NOPCHAP1: variants seen among roughly 807,000 people sequenced by gnomAD.
The protein encoded by NOPCHAP1 is DNA damage-sensitive RNA 1.
NOPCHAP1 carries 13 observed loss-of-function variants against 14.0 expected under a neutral mutation model. The ratio of observed to expected loss-of-function variants is 0.93; its 90% CI spans 0.60 to 1.47. The LOEUF is 1.47. NOPCHAP1 is among the 40% of genes most tolerant of loss of function. NOPCHAP1 has a pLI of 0.00. For missense variants in NOPCHAP1, 230 were observed against 226.9 expected (o/e 1.01, Z -0.09); for synonymous variants, 78 against 78.4 (o/e 1.00, Z 0.03).
chr12:104,992,572 C>A (rs79986045), intron 3 of NOPCHAP1, among the ~76,000 whole-genome samples: 2,756 of 152,276 alleles, frequency 0.018, 84 homozygotes, highest in African/African-American at 0.062. Flanking sequence ...TATGATCCTG[C>A]CTGCAGTTCT....
rs1873540664 is a variant in NOPCHAP1, at chr12:104,998,490, G to A, written c.*3794G>A. ...TCCTGGACTGTATGCTGTAATTCTG[G>A]GGGGCTGATATCAGGCCCCTGGCTT... On this transcript the variant is annotated 3_prime_UTR_variant, in exon 4 of 4. Coordinates refer to ENST00000552951, the MANE Select transcript of NOPCHAP1 (RefSeq NM_152318.3). 1 of 152,196 alleles carries A rather than the reference G, an allele frequency of 6.6e-6. No homozygotes were observed. The highest frequency in any genetic ancestry group is 1.5e-5 in the Non-Finnish European group (1 of 68,060). The allele number at this position is 152,196 out of a possible 1,614,324, so 9.4% of individuals were successfully genotyped here.
chr12:104,986,610 C>T (rs1565937633), intron 1 of NOPCHAP1, 143 bp downstream of exon 1: 3 of 639,218 alleles, frequency 4.7e-6, no homozygotes, highest in Non-Finnish European at 4.9e-6. Context: ...GGGGCTCCGG[C>T]GTGCCCTGCC....
rs1873675234 is a variant in NOPCHAP1 at position 105,004,829 on chromosome 12, A to G, written c.*10133A>G. The G allele has an allele frequency of 2.6e-5, 4 of 152,338 alleles. No individual in the cohort carries two copies. Among genetic ancestry groups the G allele is most frequent in the Admixed American group, 2.0e-4 (3 of 15,304 alleles). The allele number at this position is 152,338 out of a possible 1,614,324, so 9.4% of individuals were successfully genotyped here. On this transcript the variant is annotated 3_prime_UTR_variant, in exon 4 of 4. Transcript: ENST00000552951. ...TGACTCCCTGAAAACTTAACTACTA[A>G]TAGCCTACTATTGACTAGAAGCCTT...
In NOPCHAP1 at chr12:105,004,862, CAT is replaced by C. The variant is rs1185697576; in HGVS notation, c.*10168_*10169del. 6.6e-6 allele frequency: 1 copy of C among 152,068 alleles called. No homozygotes were observed. Among genetic ancestry groups the C allele is most frequent in the African/African-American group, 2.4e-5 (1 of 41,406 alleles). 9.4% of individuals were successfully genotyped at this position (152,068 alleles called of 1,614,324 possible). A position where few individuals can be genotyped will look rare whatever the true frequency, so the allele number is the denominator to read the frequency against. On this transcript the variant is annotated 3_prime_UTR_variant, in exon 4 of 4. Coordinates refer to ENST00000552951, the MANE Select transcript of NOPCHAP1 (RefSeq NM_152318.3). Reference sequence around the variant, plus strand: ...CTATTGACTAGAAGCCTTAGTGAAACATAAATAGTTAACACATATTGTATATG... The same window carrying C: ...CTATTGACTAGAAGCCTTAGTGAAACAAATAGTTAACACATATTGTATATG...
Position 104,997,507 on chromosome 12 carries a change from TAAAG to T in NOPCHAP1, c.*2814_*2817del, listed in dbSNP as rs910559865. The T allele has an allele frequency of 9.2e-5, 14 of 152,286 alleles. No individual in the cohort carries two copies. The highest frequency in any genetic ancestry group is 1.8e-4 in the Non-Finnish European group (12 of 68,012). The allele number at this position is 152,286 out of a possible 1,614,324, so 9.4% of individuals were successfully genotyped here. ...AAGTATAATAATAAAAATAAATAAA[TAAAG>T]AATGCTGAATATAGGCCCCCGATCT... On this transcript the variant is annotated 3_prime_UTR_variant, in exon 4 of 4. Transcript: ENST00000552951.
intron 2 of NOPCHAP1, among the ~76,000 whole-genome samples, chr12:104,988,652 T>G (rs756394218): frequency 6.6e-6 from 1 of 152,220 alleles, no homozygotes; most frequent in Non-Finnish European, 1.5e-5. Context: ...CCAGTTCTCT[T>G]TATTATTCTG....
Position 105,016,025 on chromosome 12 carries a change from TA to T in NOPCHAP1, c.*21333del, listed in dbSNP as rs1873939285. ...TTTTAAAAAGCATAACATCAAAGCC[TA>T]AAATTACAAAGGAAAAGAGTGGAAA... On this transcript the variant is annotated 3_prime_UTR_variant, in exon 4 of 4. Transcript: ENST00000552951. 1 of 150,418 alleles carries T rather than the reference TA, an allele frequency of 6.6e-6. No individual in the cohort carries two copies. The highest frequency in any genetic ancestry group is 1.5e-5 in the Non-Finnish European group (1 of 67,642). The allele number at this position is 150,418 out of a possible 1,614,324, so 9.3% of individuals were successfully genotyped here. A position where few individuals can be genotyped will look rare whatever the true frequency, so the allele number is the denominator to read the frequency against.
At chr12:104,993,418 C>CA (rs955509326) in intron 3 of NOPCHAP1, among the ~76,000 whole-genome samples, 22 of 152,106 alleles carry the variant, frequency 1.4e-4, no homozygotes, top group African/African-American at 5.3e-4. Flanking sequence ...TCCAGGTGCT[C>CA]AGTGTCCTCA....
chr12:105,014,474 C>T lies in NOPCHAP1; in HGVS notation c.*19778C>T, dbSNP rs567432002. 1 of 152,258 alleles carries T rather than the reference C, an allele frequency of 6.6e-6. No individual in the cohort carries two copies. The highest frequency in any genetic ancestry group is 6.5e-5 in the Admixed American group (1 of 15,300). 9.4% of individuals were successfully genotyped at this position (152,258 alleles called of 1,614,324 possible). On this transcript the variant is annotated 3_prime_UTR_variant, in exon 4 of 4. Coordinates refer to ENST00000552951, the MANE Select transcript of NOPCHAP1 (RefSeq NM_152318.3). The stretch of plus-strand genomic sequence containing the variant: ...TAATCCATGTATAAGTGGACCCACA[C>T]AGTTCAAATCTGTGTTGTTCAAGTG...
In NOPCHAP1 at chr12:105,014,049, A is replaced by G. The variant is rs1330905695; in HGVS notation, c.*19353A>G. 2 of 152,226 alleles carry G rather than the reference A, an allele frequency of 1.3e-5. No individual in the cohort carries two copies. The highest frequency in any genetic ancestry group is 2.9e-5 in the Non-Finnish European group (2 of 68,046). 9.4% of individuals were successfully genotyped at this position (152,226 alleles called of 1,614,324 possible). A position where few individuals can be genotyped will look rare whatever the true frequency, so the allele number is the denominator to read the frequency against. On this transcript the variant is annotated 3_prime_UTR_variant, in exon 4 of 4. Transcript: ENST00000552951. ...GAGAGGAACTGTTCACACAGAGATG[A>G]TTAGTGTCACATGGTATCGTGAGTA...
Position 105,003,389 on chromosome 12 carries a change from G to C in NOPCHAP1, c.*8693G>C, listed in dbSNP as rs1388351126. Reference sequence around the variant, plus strand: ...GATCCAGATGAACTCATGATTCCCTGTCTTCTTGTGACTTATCATAGGCCT... The same window carrying C: ...GATCCAGATGAACTCATGATTCCCTCTCTTCTTGTGACTTATCATAGGCCT... On this transcript the variant is annotated 3_prime_UTR_variant, in exon 4 of 4. Transcript: ENST00000552951. 6.6e-6 allele frequency: 1 copy of C among 152,178 alleles called. No individual in the cohort carries two copies. The highest frequency in any genetic ancestry group is 2.4e-5 in the African/African-American group (1 of 41,446). 9.4% of individuals were successfully genotyped at this position (152,178 alleles called of 1,614,324 possible). A position where few individuals can be genotyped will look rare whatever the true frequency, so the allele number is the denominator to read the frequency against.
In NOPCHAP1 at chr12:105,007,968, C is replaced by T. The variant is rs1162129448; in HGVS notation, c.*13272C>T. ...TGTGAGCAGTGCTGCAGTAAACATA[C>T]ATGTGTCTTTATAGTAGAATGATTT... On this transcript the variant is annotated 3_prime_UTR_variant, in exon 4 of 4. Transcript: ENST00000552951. 6.6e-6 allele frequency: 1 copy of T among 152,052 alleles called. No homozygotes were observed. The highest frequency in any genetic ancestry group is 6.6e-5 in the Admixed American group (1 of 15,246). 9.4% of individuals were successfully genotyped at this position (152,052 alleles called of 1,614,324 possible).
chr12:104,988,069 G>C (rs1335077508), intron 1 of NOPCHAP1, 98 bp from the exon 2 acceptor site: 7 of 905,104 alleles, frequency 7.7e-6, no homozygotes, highest in Non-Finnish European at 8.5e-6. Context: ...AGTGTGGACA[G>C]TCAAGTCTTA....
rs1416793434 is a variant in NOPCHAP1 at position 105,008,822 on chromosome 12, G to C, written c.*14126G>C. Reference sequence around the variant, plus strand: ...GTGTGGTATTATTTCTGAGGCCTCTGTTCTGTTCTGTTGGCCTGTATATCT... The same window carrying C: ...GTGTGGTATTATTTCTGAGGCCTCTCTTCTGTTCTGTTGGCCTGTATATCT... On this transcript the variant is annotated 3_prime_UTR_variant, in exon 4 of 4. Transcript: ENST00000552951. The C allele has an allele frequency of 6.6e-6, 1 of 152,144 alleles. No individual in the cohort carries two copies. Among genetic ancestry groups the C allele is most frequent in the South Asian group, 2.1e-4 (1 of 4,834 alleles). 9.4% of individuals were successfully genotyped at this position (152,144 alleles called of 1,614,324 possible).
chr12:104,989,950 C>T (rs975477562), intron 2 of NOPCHAP1, among the ~76,000 whole-genome samples: 8 of 152,094 alleles, frequency 5.3e-5, no homozygotes, highest in African/African-American at 1.7e-4. Context: ...AGACTGTTTA[C>T]ATCTTTTTTT....
rs1279257134 is a variant in NOPCHAP1, at chr12:104,986,367, C to G, written c.15C>G (p.Gly5=). Reference sequence around the variant, plus strand: ...TTGAGGGAAGCATGGAGGTCCATGGCAAGCCCAAGGCTAGCCCGAGTTGTT... The same window carrying G: ...TTGAGGGAAGCATGGAGGTCCATGGGAAGCCCAAGGCTAGCCCGAGTTGTT... The part of the protein sequence containing the change: MEVH[G]KPKASPSCSS... The change falls in exon 1 of 4, where the codon GGC becomes GGG. Residue 5 remains glycine (G), a synonymous_variant. Coordinates refer to ENST00000552951, the MANE Select transcript of NOPCHAP1 (RefSeq NM_152318.3). The G allele has an allele frequency of 1.9e-6, 3 of 1,609,694 alleles. No homozygotes were observed. The highest frequency in any genetic ancestry group is 2.5e-6 in the Non-Finnish European group (3 of 1,178,222).
At position 105,005,980 on chromosome 12, in the gene NOPCHAP1, A is replaced by T. The variant is rs1485307306; in HGVS notation, c.*11284A>T. ...CTGGCACTGTGGCTCAGAAGCATTC[A>T]TCTCCATCAAGCTGTCTTCTGTTAA... On this transcript the variant is annotated 3_prime_UTR_variant, in exon 4 of 4. Transcript: ENST00000552951. 6.6e-6 allele frequency: 1 copy of T among 152,320 alleles called. No homozygotes were observed. The highest frequency in any genetic ancestry group is 2.4e-5 in the African/African-American group (1 of 41,458). 9.4% of individuals were successfully genotyped at this position (152,320 alleles called of 1,614,324 possible).
chr12:105,010,562 G>A lies in NOPCHAP1; in HGVS notation c.*15866G>A, dbSNP rs895215471. 6.6e-6 allele frequency: 1 copy of A among 152,164 alleles called. No individual in the cohort carries two copies. Among genetic ancestry groups the A allele is most frequent in the Non-Finnish European group, 1.5e-5 (1 of 68,038 alleles). 9.4% of individuals were successfully genotyped at this position (152,164 alleles called of 1,614,324 possible). A position where few individuals can be genotyped will look rare whatever the true frequency, so the allele number is the denominator to read the frequency against. On this transcript the variant is annotated 3_prime_UTR_variant, in exon 4 of 4. Transcript: ENST00000552951. ...TCGCTTCTCTGGTTCTTTTAATTGT[G>A]ATGTTAGAGTATCGATTTTAGATCT...
rs563467674 is a variant in NOPCHAP1, at chr12:105,005,913, A to G, written c.*11217A>G. ...CCTTCTGCCAGATTGTCTAATGTCA[A>G]TGTGTTTTCTGATACTGATGCTTCT... On this transcript the variant is annotated 3_prime_UTR_variant, in exon 4 of 4. Transcript: ENST00000552951. The G allele has an allele frequency of 4.6e-5, 7 of 152,334 alleles. No individual in the cohort carries two copies. The highest frequency in any genetic ancestry group is 2.1e-4 in the South Asian group (1 of 4,832). 9.4% of individuals were successfully genotyped at this position (152,334 alleles called of 1,614,324 possible). A position where few individuals can be genotyped will look rare whatever the true frequency, so the allele number is the denominator to read the frequency against.
Sources: allele counts gnomAD v4.1 joint callset (sites outside exome capture counted in the v4.1 genomes callset), GRCh38; gene constraint gnomAD v4.1.1; transcripts MANE v1.5; gene names NCBI Gene and HGNC (gene_info 2026-07-23, HGNC 2026-07-21).